SCHIP1: variants seen among roughly 807,000 people sequenced by gnomAD.
SCHIP1 encodes the protein schwannomin-interacting protein 1.
Under a neutral mutation model 29.7 loss-of-function variants are expected in SCHIP1, and 8 were observed. That is an observed-to-expected ratio of 0.27 (90% CI 0.16 to 0.49). The LOEUF is 0.49. Ranked by LOEUF, SCHIP1 falls within the 20% of genes least tolerant of loss-of-function variation. The pLI, the probability that SCHIP1 is intolerant of heterozygous loss-of-function variation, is 0.99. For synonymous variants in SCHIP1, 76 were observed against 94.9 expected, an observed-to-expected ratio of 0.80 and a Z score of 1.16; for missense variants, 193 against 294.6, an observed-to-expected ratio of 0.66 and a Z score of 2.52.
the SCHIP1 span, among the ~76,000 whole-genome samples, chr3:159,320,071 AT>A: frequency 6.6e-6 from 1 of 152,206 alleles, no homozygotes; most frequent in African/African-American, 2.4e-5. Flanking sequence ...GAGCATTTTA[AT>A]TGTTTGTCTG....
the SCHIP1 span, among the ~76,000 whole-genome samples, chr3:159,468,846 A>C: frequency 1.7e-4 from 26 of 149,814 alleles, no homozygotes; most frequent in Admixed American, 1.1e-3. Context: ...AGCTCACTGC[A>C]AGCTCTGCCT....
the SCHIP1 span, among the ~76,000 whole-genome samples, chr3:159,742,660 C>CT: frequency 4.0e-5 from 6 of 151,086 alleles, no homozygotes; most frequent in African/African-American, 9.7e-5. Flanking sequence ...TGGATACACT[C>CT]TTTTTTTTCT....
chr3:159,295,809 T>C, the SCHIP1 span, among the ~76,000 whole-genome samples: 11 of 152,244 alleles, frequency 7.2e-5, no homozygotes, highest in Admixed American at 7.2e-4. Flanking sequence ...ATGTTGACCT[T>C]TGTATTTATT....
chr3:159,686,223 T>TC, the SCHIP1 span, among the ~76,000 whole-genome samples: 1 of 152,144 alleles, frequency 6.6e-6, no homozygotes, highest in South Asian at 2.1e-4. Flanking sequence ...AAAAAGGAAA[T>TC]CCAGCCCTGA....
At chr3:159,319,458 T>A in the SCHIP1 span, among the ~76,000 whole-genome samples, 7 of 152,204 alleles carry the variant, frequency 4.6e-5, no homozygotes, top group African/African-American at 1.7e-4. Flanking sequence ...CAGAAACATA[T>A]CTGCACATTG....
the SCHIP1 span, among the ~76,000 whole-genome samples, chr3:159,783,016 A>G: frequency 6.6e-6 from 1 of 152,214 alleles, no homozygotes; most frequent in African/African-American, 2.4e-5. Flanking sequence ...GGAAGGGGGA[A>G]GTTGAGGGTA....
the SCHIP1 span, among the ~76,000 whole-genome samples, chr3:159,757,306 G>C: frequency 6.6e-6 from 1 of 152,140 alleles, no homozygotes; most frequent in Non-Finnish European, 1.5e-5. Context: ...GATGCCAGCA[G>C]GCAAAAAGAG....
the SCHIP1 span, among the ~76,000 whole-genome samples, chr3:159,371,364 C>T: frequency 6.6e-6 from 1 of 152,124 alleles, no homozygotes; most frequent in Non-Finnish European, 1.5e-5. Context: ...ATGTTCCAAC[C>T]TCCACATTGT....
the SCHIP1 span, chr3:159,764,318 TG>T: frequency 1.7e-6 from 2 of 1,176,700 alleles, no homozygotes; most frequent in Non-Finnish European, 2.3e-6. The surrounding 1 kb of genome is among the most constrained non-coding windows in gnomAD (Gnocchi z 6.1). Flanking sequence ...CAGGCCTCCT[TG>T]GGGGACGCAC....
At chr3:159,491,016 T>C in the SCHIP1 span, among the ~76,000 whole-genome samples, 1 of 152,304 alleles carries the variant, frequency 6.6e-6, no homozygotes, top group South Asian at 2.1e-4. Context: ...TATGAACTCA[T>C]TAAAATTAGT....
At chr3:159,835,610 T>G (rs1743585006), upstream of SCHIP1, among the ~76,000 whole-genome samples, 1 of 152,246 alleles carries the variant, frequency 6.6e-6, no homozygotes, top group Admixed American at 6.5e-5. Flanking sequence ...GAGTTCATGT[T>G]TATTCTTGTT....
the SCHIP1 span, among the ~76,000 whole-genome samples, chr3:159,600,461 A>G: frequency 6.6e-6 from 1 of 152,192 alleles, no homozygotes; most frequent in Non-Finnish European, 1.5e-5. Flanking sequence ...TTTCTTCTAC[A>G]TGGTCTAGCA....
At chr3:159,707,961 T>C in the SCHIP1 span, among the ~76,000 whole-genome samples, 3 of 152,202 alleles carry the variant, frequency 2.0e-5, no homozygotes, top group Non-Finnish European at 4.4e-5. Flanking sequence ...CTTCCTCCTT[T>C]TTCTTATCTT....
chr3:159,855,123 A>G lies in SCHIP1; in HGVS notation c.31-11040A>G, dbSNP rs371558344. On this transcript the variant is annotated intron_variant, in intron 1 of 6. Transcript: ENST00000445224. Reference sequence around the variant, plus strand: ...TTCTAGATGTGTGGAGTGCTCAGAGATCAGTTCATTATGTTCCGGATCTTA... The same window carrying G: ...TTCTAGATGTGTGGAGTGCTCAGAGGTCAGTTCATTATGTTCCGGATCTTA... Among the ~76,000 whole-genome samples the G allele has an allele frequency of 3.1e-4, 47 of 152,352 alleles. 1 individual carries two copies. In the South Asian group the frequency reaches 5.8e-3, roughly 19 times the overall value.
chr3:159,505,085 A>T, the SCHIP1 span, among the ~76,000 whole-genome samples: 1 of 152,184 alleles, frequency 6.6e-6, no homozygotes, highest in Non-Finnish European at 1.5e-5. Context: ...GTTTGCTCAT[A>T]GGAAAGAGGT....
At chr3:159,769,955 A>C in the SCHIP1 span, among the ~76,000 whole-genome samples, 2 of 152,218 alleles carry the variant, frequency 1.3e-5, no homozygotes, top group Non-Finnish European at 2.9e-5. Context: ...ACTCCTTTGT[A>C]ATACCACCAT....
At chr3:159,562,358 C>T in the SCHIP1 span, among the ~76,000 whole-genome samples, 3 of 152,122 alleles carry the variant, frequency 2.0e-5, no homozygotes, top group African/African-American at 7.2e-5. Flanking sequence ...AGTTATGTTC[C>T]AGAAGATTGT....
the SCHIP1 span, among the ~76,000 whole-genome samples, chr3:159,624,194 A>G: frequency 6.6e-6 from 1 of 152,194 alleles, no homozygotes; most frequent in South Asian, 2.1e-4. Flanking sequence ...CCTCACAGCA[A>G]CCCTCTAAAA....
chr3:159,592,978 G>T, the SCHIP1 span, among the ~76,000 whole-genome samples: 1 of 152,120 alleles, frequency 6.6e-6, no homozygotes, highest in East Asian at 1.9e-4. Flanking sequence ...AGAAAGCTCT[G>T]CCCTGGAGTA....
Sources: allele counts gnomAD v4.1 joint callset (sites outside exome capture counted in the v4.1 genomes callset), GRCh38; gene constraint gnomAD v4.1.1; non-coding constraint Gnocchi (gnomAD v3.1); transcripts MANE v1.5; gene names NCBI Gene and HGNC (gene_info 2026-07-23, HGNC 2026-07-21).